ERC2: variants seen among roughly 807,000 people sequenced by gnomAD.
ERC2 encodes ERC protein 2.
ERC2 carries 42 observed loss-of-function variants against 114.8 expected under a neutral mutation model. That is an observed-to-expected ratio of 0.37 (90% CI 0.29 to 0.47). The LOEUF is 0.47. ERC2 is among the 20% of genes least tolerant of loss of function. The pLI is 0.99. For synonymous variants in ERC2, 454 were observed against 425.5 expected (o/e 1.07, Z -0.82); for missense variants, 939 against 1,150.7 (o/e 0.82, Z 2.66).
chr3:55,765,210 T>A, intron 14 of ERC2, among the ~76,000 whole-genome samples: 1 of 152,212 alleles, frequency 6.6e-6, no homozygotes, highest in East Asian at 1.9e-4. Context: ...AGGGCCCATA[T>A]GTGACTGTAA....
At chr3:56,251,149 C>T (rs1429047200) in intron 3 of ERC2, among the ~76,000 whole-genome samples, 1 of 152,192 alleles carries the variant, frequency 6.6e-6, no homozygotes, top group East Asian at 1.9e-4. Flanking sequence ...AAAGAAGTTT[C>T]CCAACTGCCA....
intron 14 of ERC2, among the ~76,000 whole-genome samples, chr3:55,831,674 T>C (rs999767752): frequency 6.6e-6 from 1 of 152,104 alleles, no homozygotes; most frequent in Non-Finnish European, 1.5e-5. Flanking sequence ...GCTCCCAGCA[T>C]GAGTGACACA....
At chr3:56,027,368 T>C (rs1021976840) in intron 7 of ERC2, among the ~76,000 whole-genome samples, 3 of 152,212 alleles carry the variant, frequency 2.0e-5, no homozygotes, top group Admixed American at 2.0e-4. Context: ...ATGGAAGTTG[T>C]AATTTCTATT....
At chr3:55,576,559 T>C (rs1331309681) in intron 17 of ERC2, among the ~76,000 whole-genome samples, 2 of 152,206 alleles carry the variant, frequency 1.3e-5, no homozygotes, top group African/African-American at 4.8e-5. Context: ...CCTTAGCATA[T>C]GTGTGCTGCT....
rs369150569 is a variant in ERC2, at chr3:56,434,835, G to A, written c.173C>T (p.Thr58Met). The part of the protein sequence containing the change: ...NIQSLNAAYA[T>M]SGPMYLSDHE... ...ATCACTCAGATACATGGGTCCAGAC[G>A]TAGCATAGGCTGCATTGAGGGACTG... The change falls in exon 2 of 18, where the codon ACG (threonine) becomes ATG (methionine). Residue 58 changes from threonine to methionine, a missense_variant. Physicochemically the swap from Thr to Met is moderately conservative, Grantham distance 81 (BLOSUM62 -1). Around this residue, in one of 5 missense-constraint regions of ERC2, gnomAD observed 281 missense variants for 307.4 expected, o/e 0.91. Coordinates refer to ENST00000288221, the MANE Select transcript of ERC2 (RefSeq NM_015576.3). The A allele has an allele frequency of 2.1e-5, 34 of 1,613,760 alleles. No homozygotes were observed. The highest frequency in any genetic ancestry group is 7.7e-5 in the South Asian group (7 of 91,076).
Position 55,804,407 on chromosome 3 carries a change from G to C in ERC2, c.2565-69489C>G, listed in dbSNP as rs79730090. On this transcript the variant is annotated intron_variant, in intron 14 of 17. Transcript: ENST00000288221. ...TTAAGAGAATGGGGTGAGATGCGTC[G>C]GTTTGCCTTAGAAAGAACATTTTGG... 2.0e-5 allele frequency among the ~76,000 whole-genome samples: 3 copies of C among 151,976 alleles called. No homozygotes were observed. In the East Asian group the frequency reaches 5.8e-4, roughly 29 times the overall value.
At chr3:56,084,120 A>G (rs2077382914) in intron 6 of ERC2, among the ~76,000 whole-genome samples, 1 of 152,206 alleles carries the variant, frequency 6.6e-6, no homozygotes, top group Non-Finnish European at 1.5e-5. Context: ...AATGCTCAAC[A>G]TCACTAATCA....
chr3:56,199,716 C>T (rs917222208), intron 3 of ERC2, among the ~76,000 whole-genome samples: 10 of 151,912 alleles, frequency 6.6e-5, no homozygotes, highest in Non-Finnish European at 1.0e-4. Flanking sequence ...ACTACGTTGC[C>T]GAGGCTGCTC....
intron 3 of ERC2, among the ~76,000 whole-genome samples, chr3:56,193,285 A>T (rs1432897109): frequency 6.6e-6 from 1 of 152,182 alleles, no homozygotes; most frequent in Non-Finnish European, 1.5e-5. Context: ...AGGCCGAGGC[A>T]GGAGGATCAC....
intron 14 of ERC2, among the ~76,000 whole-genome samples, chr3:55,867,428 T>G (rs2062375934): frequency 6.6e-6 from 1 of 152,204 alleles, no homozygotes; most frequent in Non-Finnish European, 1.5e-5. Flanking sequence ...GTAAGGGTTC[T>G]AGTCATCCGT....
At chr3:55,537,667 T>C (rs1357443078) in intron 17 of ERC2, among the ~76,000 whole-genome samples, 1 of 152,200 alleles carries the variant, frequency 6.6e-6, no homozygotes, top group African/African-American at 2.4e-5. Context: ...CTCTTTCAGA[T>C]ACAAAGAAAT....
At chr3:55,913,137 C>T (rs1382074833) in intron 13 of ERC2, among the ~76,000 whole-genome samples, 1 of 152,094 alleles carries the variant, frequency 6.6e-6, no homozygotes, top group Admixed American at 6.5e-5. Context: ...GGGTGCATGC[C>T]ACCACACCTG....
chr3:56,014,492 C>T (rs1319964609), intron 8 of ERC2, among the ~76,000 whole-genome samples: 1 of 152,076 alleles, frequency 6.6e-6, no homozygotes, highest in Non-Finnish European at 1.5e-5. Flanking sequence ...TACTGAGACG[C>T]TGAGAGAAGA....
At chr3:56,286,243 G>A (rs575099259) in intron 3 of ERC2, among the ~76,000 whole-genome samples, 40 of 151,828 alleles carry the variant, frequency 2.6e-4, no homozygotes, top group Non-Finnish European at 4.9e-4. Context: ...GAGAAACCTC[G>A]TCTCTACCAA....
intron 17 of ERC2, among the ~76,000 whole-genome samples, chr3:55,512,831 C>A (rs2052186401): frequency 6.6e-6 from 1 of 152,164 alleles, no homozygotes; most frequent in East Asian, 1.9e-4. Context: ...TGTAGCCATT[C>A]TTTCAATCGA....
At chr3:56,420,439 A>T (rs2061342300) in intron 2 of ERC2, among the ~76,000 whole-genome samples, 2 of 151,982 alleles carry the variant, frequency 1.3e-5, no homozygotes, top group African/African-American at 4.8e-5. Context: ...CTGTCTCACA[A>T]AGTGCTAGGA....
rs373916386 is a variant in ERC2 at position 55,898,506 on chromosome 3, G to A, written c.2404-9957C>T. On this transcript the variant is annotated intron_variant, in intron 13 of 17. Transcript: ENST00000288221. ...TTTAGGAAAGGAGCTTGACCTCTAT[G>A]TACGTCAGCTTCCTCTTCTACAAAA... Among the ~76,000 whole-genome samples, 65 of 152,284 alleles carry A rather than the reference G, an allele frequency of 4.3e-4. 1 individual carries two copies. Among genetic ancestry groups the A allele is most frequent in the South Asian group, 1.7e-3 (8 of 4,816 alleles).
chr3:55,986,342 G>A (rs921314748), intron 11 of ERC2, among the ~76,000 whole-genome samples: 1 of 152,148 alleles, frequency 6.6e-6, no homozygotes, highest in African/African-American at 2.4e-5. Context: ...CTATCTGTGT[G>A]CATATAAAAT....
At chr3:55,799,458 T>TATGCATATATATATGCCTTATATGTATGC (rs1353352234) in intron 14 of ERC2, among the ~76,000 whole-genome samples, 5 of 138,754 alleles carry the variant, frequency 3.6e-5, no homozygotes, top group African/African-American at 1.5e-4. Context: ...TGCATATATA[T>TATGCATATATATATGCCTTATATGTATGC]ATATATATAT....
Sources: gnomAD v4.1 joint callset for allele counts (sites outside exome capture counted in the v4.1 genomes callset) on GRCh38, gnomAD v4.1.1 for gene constraint, gnomAD v4.1.1 regional missense constraint, MANE v1.5 for transcripts, NCBI Gene and HGNC (gene_info 2026-07-23, HGNC 2026-07-21) for gene names.